ROR2: variants seen among roughly 807,000 people sequenced by gnomAD.
ROR2 encodes the protein tyrosine-protein kinase transmembrane receptor ROR2.
In ROR2, 33 loss-of-function variants were observed where a neutral mutation model predicts 74.9. That is an observed-to-expected ratio of 0.44 (90% CI 0.33 to 0.59). ROR2 has a LOEUF of 0.59. ROR2 is among the 20% of genes least tolerant of loss of function. ROR2 has a pLI of 0.02. For synonymous variants in ROR2, 586 were observed against 558.7 expected (o/e 1.05, Z -0.69); for missense variants, 1,216 against 1,313.8 (o/e 0.93, Z 1.15).
intron 1 of ROR2, among the ~76,000 whole-genome samples, chr9:91,838,145 G>T (rs1386565739): frequency 6.6e-6 from 1 of 152,178 alleles, no homozygotes; most frequent in Non-Finnish European, 1.5e-5. Flanking sequence ...TACCTTATGT[G>T]TGTAATTCTC....
At position 91,722,743 on chromosome 9, in the gene ROR2, G is replaced by T. The variant is rs1274885663; in HGVS notation, c.*919C>A. 2 of 648,030 alleles carry T rather than the reference G, an allele frequency of 3.1e-6. No homozygotes were observed. Among genetic ancestry groups the T allele is most frequent in the African/African-American group, 3.6e-5 (2 of 56,152 alleles). The allele number at this position is 648,030 out of a possible 1,614,324, so 40.1% of individuals were successfully genotyped here. A position where few individuals can be genotyped will look rare whatever the true frequency, so the allele number is the denominator to read the frequency against. ...ATGGACCTCATGTGCACGTGGTACA[G>T]AGAGAAGCAAACCAAGACCAACTGG... On this transcript the variant is annotated 3_prime_UTR_variant, in exon 9 of 9. Transcript: ENST00000375708.
intron 7 of ROR2, among the ~76,000 whole-genome samples, chr9:91,728,507 T>C (rs1837121233): frequency 6.6e-6 from 1 of 152,234 alleles, no homozygotes. Flanking sequence ...CTCAGTTCAC[T>C]GCAACCTCTG....
At chr9:91,751,527 G>GA (rs1490531856) in intron 4 of ROR2, among the ~76,000 whole-genome samples, 2 of 151,956 alleles carry the variant, frequency 1.3e-5, no homozygotes, top group Admixed American at 1.3e-4. Context: ...ACTGTAAAAA[G>GA]AAACCAAAAA....
chr9:91,786,874 T>G (rs550969596), intron 1 of ROR2, among the ~76,000 whole-genome samples: 18 of 152,230 alleles, frequency 1.2e-4, no homozygotes, highest in African/African-American at 4.1e-4. Flanking sequence ...AATGAAATCC[T>G]AAAGAATTAG....
chr9:91,723,328 T>G lies in ROR2; in HGVS notation c.*334A>C. On this transcript the variant is annotated 3_prime_UTR_variant, in exon 9 of 9. Coordinates refer to ENST00000375708, the MANE Select transcript of ROR2 (RefSeq NM_004560.4). ...TATTCACTCCATATATGACATGGAG[T>G]GAAGCTGCCACCTATTTTCTTGAAA... 1 of 315,778 alleles carries G rather than the reference T, an allele frequency of 3.2e-6. No homozygotes were observed. Among genetic ancestry groups the G allele is most frequent in the Non-Finnish European group, 5.9e-6 (1 of 169,220 alleles). 19.6% of individuals were successfully genotyped at this position (315,778 alleles called of 1,614,324 possible).
intron 2 of ROR2, among the ~76,000 whole-genome samples, chr9:91,771,466 T>C (rs1002809873): frequency 6.6e-6 from 1 of 152,268 alleles, no homozygotes; most frequent in Non-Finnish European, 1.5e-5. Context: ...AAAGCATGTA[T>C]GTGTGTATGT....
chr9:91,810,115 G>A (rs548129185), intron 1 of ROR2, among the ~76,000 whole-genome samples: 2 of 152,364 alleles, frequency 1.3e-5, no homozygotes, highest in South Asian at 4.1e-4. Context: ...CCCCATGTCG[G>A]CGGAGCCAGC....
chr9:91,736,142 CCAT>C (rs1825018400), intron 5 of ROR2, among the ~76,000 whole-genome samples: 1 of 152,126 alleles, frequency 6.6e-6, no homozygotes, highest in Non-Finnish European at 1.5e-5. Context: ...TGAGAGGTAG[CCAT>C]ATTTTCAAAA....
At chr9:91,739,008 C>T (rs138987180) in intron 4 of ROR2, among the ~76,000 whole-genome samples, 113 of 152,328 alleles carry the variant, frequency 7.4e-4, no homozygotes, top group African/African-American at 2.6e-3. Context: ...TCCATTGACG[C>T]CAATGAGCCA....
intron 1 of ROR2, among the ~76,000 whole-genome samples, chr9:91,827,629 G>A (rs923967301): frequency 7.9e-5 from 12 of 152,192 alleles, no homozygotes; most frequent in Non-Finnish European, 1.0e-4. Flanking sequence ...GGTTCAGGAT[G>A]CATGGCCCAA....
At chr9:91,913,444 C>T (rs1237743373) in intron 1 of ROR2, among the ~76,000 whole-genome samples, 4 of 152,062 alleles carry the variant, frequency 2.6e-5, no homozygotes, top group Non-Finnish European at 5.9e-5. Context: ...ATGAAAACAA[C>T]AAAAAATTCT....
Position 91,832,873 on chromosome 9 carries a change from G to T in ROR2, c.98-57055C>A, listed in dbSNP as rs559212745. 2.6e-5 allele frequency among the ~76,000 whole-genome samples: 4 copies of T among 152,272 alleles called. 1 individual carries two copies. Among genetic ancestry groups the T allele is most frequent in the African/African-American group, 9.6e-5 (4 of 41,562 alleles). On this transcript the variant is annotated intron_variant, in intron 1 of 8. Transcript: ENST00000375708. The stretch of plus-strand genomic sequence containing the variant: ...ACAACGTCCATCTTGGCAGAAATCG[G>T]GGCCTCCTATAGCCCCAAACCTCAG...
chr9:91,852,367 C>T (rs901863033), intron 1 of ROR2, among the ~76,000 whole-genome samples: 2 of 152,150 alleles, frequency 1.3e-5, no homozygotes, highest in African/African-American at 4.8e-5. Context: ...CTGTCATATC[C>T]AATAAACTCA....
chr9:91,758,287 A>T (rs1825821063), intron 2 of ROR2, among the ~76,000 whole-genome samples: 1 of 152,232 alleles, frequency 6.6e-6, no homozygotes, highest in South Asian at 2.1e-4. Flanking sequence ...CAATTACGGA[A>T]TCTGCAAATG....
chr9:91,786,945 A>G (rs1014433787), intron 1 of ROR2, among the ~76,000 whole-genome samples: 5 of 152,230 alleles, frequency 3.3e-5, no homozygotes, highest in Non-Finnish European at 7.3e-5. Flanking sequence ...GGTTGTATGC[A>G]TGCTCAGAAA....
At chr9:91,794,242 C>A (rs1435898862) in intron 1 of ROR2, among the ~76,000 whole-genome samples, 1 of 152,216 alleles carries the variant, frequency 6.6e-6, no homozygotes, top group East Asian at 1.9e-4. Flanking sequence ...GAGTGCTGGG[C>A]ACTGGCTAAA....
At chr9:91,900,209 C>T (rs941637949) in intron 1 of ROR2, among the ~76,000 whole-genome samples, 23 of 152,238 alleles carry the variant, frequency 1.5e-4, no homozygotes, top group Non-Finnish European at 2.9e-4. Context: ...CCCCCAGGGC[C>T]GCCAGGGGGT....
At chr9:91,787,181 C>T (rs181987375) in intron 1 of ROR2, among the ~76,000 whole-genome samples, 109 of 152,332 alleles carry the variant, frequency 7.2e-4, no homozygotes, top group Middle Eastern at 3.4e-3. Context: ...TACAATTATA[C>T]TGGCTCAGAT....
At chr9:91,868,397 G>A (rs957354158) in intron 1 of ROR2, among the ~76,000 whole-genome samples, 2 of 151,918 alleles carry the variant, frequency 1.3e-5, no homozygotes, top group African/African-American at 2.4e-5. Flanking sequence ...AGAAGAAGAA[G>A]AAAAAAAGAG....
Sources: allele counts gnomAD v4.1 joint callset (sites outside exome capture counted in the v4.1 genomes callset), GRCh38; gene constraint gnomAD v4.1.1; transcripts MANE v1.5; gene names NCBI Gene and HGNC (gene_info 2026-07-23, HGNC 2026-07-21).